ZNF782: variants seen among roughly 807,000 people sequenced by gnomAD.
The protein encoded by ZNF782 is zinc finger protein 782.
Under a neutral mutation model 13.0 loss-of-function variants are expected in ZNF782, and 12 were observed. That is an observed-to-expected ratio of 0.92 (90% CI 0.59 to 1.50). The LOEUF (loss-of-function observed/expected upper bound fraction) is 1.50, where lower values mean the gene tolerates loss of function less well. Among genes scored for constraint, ZNF782 ranks in the 40% most tolerant of loss-of-function variants. The pLI, the probability that ZNF782 is intolerant of heterozygous loss-of-function variation, is 0.00. For missense variants in ZNF782, 770 were observed against 822.9 expected (o/e 0.94, Z 0.79); for synonymous variants, 284 against 283.0 (o/e 1.00, Z -0.04).
the ZNF782 span, among the ~76,000 whole-genome samples, chr9:96,899,968 TTTTTA>T: frequency 6.6e-6 from 1 of 151,718 alleles, no homozygotes; most frequent in African/African-American, 2.4e-5. Context: ...TCCCGCTAAT[TTTTTA>T]TTTTTAGTAG....
At chr9:96,913,503 AAACATT>A in the ZNF782 span, among the ~76,000 whole-genome samples, 6 of 151,876 alleles carry the variant, frequency 4.0e-5, no homozygotes, top group East Asian at 9.8e-4. Context: ...CGCCCTTCTA[AAACATT>A]AAGCTTTTTT....
chr9:96,857,077 G>A (rs1032046311), upstream of ZNF782, among the ~76,000 whole-genome samples: 1 of 152,164 alleles, frequency 6.6e-6, no homozygotes, highest in Non-Finnish European at 1.5e-5. Flanking sequence ...ATTAACATTT[G>A]CTCACTATCA....
At chr9:96,840,586 C>T (rs1434534013) in intron 4 of ZNF782, among the ~76,000 whole-genome samples, 1 of 151,922 alleles carries the variant, frequency 6.6e-6, no homozygotes, top group Non-Finnish European at 1.5e-5. Context: ...GAGAACTGCA[C>T]TGGTGTCTAT....
At chr9:96,872,174 C>T (rs1270677363) in intron 1 of ZNF782, among the ~76,000 whole-genome samples, 1 of 152,160 alleles carries the variant, frequency 6.6e-6, no homozygotes, top group Non-Finnish European at 1.5e-5. Context: ...GTAAATGCTA[C>T]AATTTATGTG....
Position 96,852,035 on chromosome 9 carries a change from G to A in ZNF782, c.-44-30C>T, listed in dbSNP as rs1413752714. ...GGGGACAGAAAGAGGATGTCACACGGTCTCGCCTACCTCACAGCTCCTAGA... is the reference window on the plus strand; with the variant it reads ...GGGGACAGAAAGAGGATGTCACACGATCTCGCCTACCTCACAGCTCCTAGA... On this transcript the variant is annotated intron_variant, in intron 2 of 5. Coordinates refer to ENST00000481138, the MANE Select transcript of ZNF782 (RefSeq NM_001001662.3). 3.1e-5 allele frequency: 45 copies of A among 1,466,798 alleles called. No homozygotes were observed. The East Asian group carries it at 1.0e-3, about 33-fold the overall frequency. The allele number at this position is 1,466,798 out of a possible 1,614,324, so 90.9% of individuals were successfully genotyped here.
At chr9:96,928,834 C>G in the ZNF782 span, 1 of 558,608 alleles carries the variant, frequency 1.8e-6, no homozygotes, top group Non-Finnish European at 3.0e-6. Flanking sequence ...CCAAGCCCGG[C>G]TGCCCACTGC....
chr9:96,826,720 A>G (rs530497644), intron 5 of ZNF782, among the ~76,000 whole-genome samples: 60 of 152,182 alleles, frequency 3.9e-4, no homozygotes, highest in Non-Finnish European at 6.5e-4. Context: ...CACAAACAAT[A>G]TGATAGGGAA....
At position 96,819,450 on chromosome 9, in the gene ZNF782, T is replaced by A; in HGVS notation, c.573A>T (p.Lys191Asn). 6.2e-7 allele frequency: 1 copy of A among 1,613,954 alleles called. No homozygotes were observed. The highest frequency in any genetic ancestry group is 8.5e-7 in the Non-Finnish European group (1 of 1,179,982). Residue 191 changes from lysine (K) to asparagine (N), a missense_variant, in exon 6 of 6, where the codon AAA (lysine) becomes AAT (asparagine). Transcript: ENST00000481138. Reference sequence around the variant, plus strand: ...CCTTATGATGGAGGGTTTTCACAATTTTACTATAAGCGAAAGATTTCTCTT... The same window carrying A: ...CCTTATGATGGAGGGTTTTCACAATATTACTATAAGCGAAAGATTTCTCTT... ...NTQEKSFAYS[K>N]IVKTLHHKEE...
In ZNF782 at chr9:96,816,947, G is replaced by A. The variant is rs936435719; in HGVS notation, c.*976C>T. On this transcript the variant is annotated 3_prime_UTR_variant, in exon 6 of 6. Transcript: ENST00000481138. ...CATACTCCTAAGTTTTATTATGTGA[G>A]GGTTGTTGAGTTTCTGTCAGTATCA... is the stretch of plus-strand genomic sequence containing the variant. The A allele has an allele frequency of 2.0e-5, 3 of 152,136 alleles. No individual in the cohort carries two copies. The highest frequency in any genetic ancestry group is 4.4e-5 in the Non-Finnish European group (3 of 68,028). 9.4% of individuals were successfully genotyped at this position (152,136 alleles called of 1,614,324 possible). A position where few individuals can be genotyped will look rare whatever the true frequency, so the allele number is the denominator to read the frequency against.
At chr9:96,901,941 CAATA>C in the ZNF782 span, among the ~76,000 whole-genome samples, 1 of 148,114 alleles carries the variant, frequency 6.8e-6, no homozygotes, top group Admixed American at 6.7e-5. Context: ...ATAATTCAAT[CAATA>C]AATATGTTAA....
intron 1 of ZNF782, among the ~76,000 whole-genome samples, chr9:96,869,158 G>A (rs971160521): frequency 6.6e-6 from 1 of 151,686 alleles, no homozygotes. Flanking sequence ...AAAATGAAAA[G>A]CTTCAAAATT....
the ZNF782 span, among the ~76,000 whole-genome samples, chr9:96,901,802 C>T: frequency 0.052 from 7,678 of 148,390 alleles, 569 homozygotes; most frequent in African/African-American, 0.17. Context: ...ATGGCTTGAA[C>T]CAGGGAGGTG....
Position 96,829,996 on chromosome 9 carries a change from T to C in ZNF782, c.143-2815A>G, listed in dbSNP as rs1850745922. Among the ~76,000 whole-genome samples, 3 of 151,938 alleles carry C rather than the reference T, an allele frequency of 2.0e-5. No homozygotes were observed. The South Asian group carries it at 6.2e-4, about 32-fold the overall frequency. ...GGACTCAAGGAATGACAATGATGAG[T>C]TCCCCGCACTTCTCTTTGGCCTCAT... is the stretch of plus-strand genomic sequence containing the variant. On this transcript the variant is annotated intron_variant, in intron 4 of 5. Coordinates refer to ENST00000481138, the MANE Select transcript of ZNF782 (RefSeq NM_001001662.3).
At chr9:96,867,540 AC>A (rs1192408627) in intron 1 of ZNF782, among the ~76,000 whole-genome samples, 1 of 152,162 alleles carries the variant, frequency 6.6e-6, no homozygotes, top group African/African-American at 2.4e-5. Context: ...CAAGTCCAAC[AC>A]CCTACCAAAA....
At chr9:96,827,278 G>T in intron 4 of ZNF782, 97 bp from the exon 5 acceptor site, 2 of 744,140 alleles carry the variant, frequency 2.7e-6, no homozygotes, top group Non-Finnish European at 2.1e-6. Context: ...GCATATTCAG[G>T]GTGCTCACTG....
intron 1 of ZNF782, among the ~76,000 whole-genome samples, chr9:96,874,299 A>C (rs1851865824): frequency 6.6e-6 from 1 of 152,252 alleles, no homozygotes; most frequent in Non-Finnish European, 1.5e-5. Flanking sequence ...AGATGACCAT[A>C]AACACCTTTC....
chr9:96,930,996 G>T, the ZNF782 span, among the ~76,000 whole-genome samples: 2 of 141,206 alleles, frequency 1.4e-5, no homozygotes, highest in African/African-American at 5.2e-5. Flanking sequence ...CTCGGTTCAA[G>T]CAATTCTCCT....
chr9:96,932,968 C>T, the ZNF782 span, among the ~76,000 whole-genome samples: 4 of 147,136 alleles, frequency 2.7e-5, no homozygotes, highest in Non-Finnish European at 5.9e-5. Flanking sequence ...ACTTTCTTTT[C>T]TTTTCTTTTC....
intron 3 of ZNF782, among the ~76,000 whole-genome samples, chr9:96,845,235 T>C (rs1169894057): frequency 6.6e-6 from 1 of 152,204 alleles, no homozygotes; most frequent in African/African-American, 2.4e-5. Flanking sequence ...ATCATACACA[T>C]ACATTGTTAC....
Sources: allele counts gnomAD v4.1 joint callset (sites outside exome capture counted in the v4.1 genomes callset), GRCh38; gene constraint gnomAD v4.1.1; transcripts MANE v1.5; gene names NCBI Gene and HGNC (gene_info 2026-07-23, HGNC 2026-07-21).